Variants in STMN2 observed in about 807,000 individuals in gnomAD.
The protein encoded by STMN2 is stathmin 2, also known as stathmin-2.
In STMN2, 2 loss-of-function variants were observed where a neutral mutation model predicts 24.1. That is an observed-to-expected ratio of 0.08 (90% confidence interval 0.03 to 0.26). The LOEUF is 0.26. Ranked by LOEUF, STMN2 falls within the 10% of genes least tolerant of loss-of-function variation. The pLI is 1.00. For synonymous variants in STMN2, 83 were observed against 77.5 expected, an observed-to-expected ratio of 1.07 and a Z score of -0.37; for missense variants, 114 against 213.6, an observed-to-expected ratio of 0.53 and a Z score of 2.91.
At chr8:79,653,324 C>T (rs191162685) in intron 3 of STMN2, among the ~76,000 whole-genome samples, 92 of 152,206 alleles carry the variant, frequency 6.0e-4, no homozygotes, top group African/African-American at 2.2e-3. Context: ...TTACAGTGAG[C>T]AGAGATCACG....
intron 3 of STMN2, 37 bp downstream of exon 3, chr8:79,641,587 T>A: frequency 1.3e-6 from 2 of 1,567,476 alleles, no homozygotes; most frequent in Non-Finnish European, 1.7e-6. Context: ...TCTCTCTCCC[T>A]CCCCTGCTCC....
intron 3 of STMN2, among the ~76,000 whole-genome samples, chr8:79,644,510 G>T (rs1357937282): frequency 6.6e-6 from 1 of 152,160 alleles, no homozygotes; most frequent in African/African-American, 2.4e-5. Flanking sequence ...ATGGCCAAGA[G>T]GATGTAGTAG....
intron 1 of STMN2, chr8:79,620,872 C>T (rs1185476657): frequency 3.1e-6 from 2 of 646,700 alleles, no homozygotes; most frequent in Non-Finnish European, 3.8e-6. Flanking sequence ...AGGTCTGAAG[C>T]AGGTCCCATG....
At chr8:79,611,297 A>G in intron 1 of STMN2, 83 bp downstream of exon 1, 1 of 1,567,354 alleles carries the variant, frequency 6.4e-7, no homozygotes. Flanking sequence ...AAGCATTCAG[A>G]GATATTTTAT....
intron 4 of STMN2, among the ~76,000 whole-genome samples, chr8:79,663,277 G>C (rs762851484): frequency 7.2e-5 from 11 of 152,134 alleles, no homozygotes; most frequent in African/African-American, 1.7e-4. Flanking sequence ...CAGTGATTAA[G>C]AGAGTGAGCT....
intron 3 of STMN2, among the ~76,000 whole-genome samples, chr8:79,645,991 G>C (rs776346123): frequency 6.6e-5 from 10 of 151,996 alleles, no homozygotes; most frequent in Non-Finnish European, 1.0e-4. Context: ...AGTTATTACT[G>C]TAAACATTTT....
Position 79,665,949 on chromosome 8 carries a change from G to A in STMN2, c.*1075G>A, listed in dbSNP as rs945032558. The A allele has an allele frequency of 4.6e-5, 7 of 152,144 alleles. No individual in the cohort carries two copies. Among genetic ancestry groups the A allele is most frequent in the African/African-American group, 9.7e-5 (4 of 41,420 alleles). The allele number at this position is 152,144 out of a possible 1,614,324, so 9.4% of individuals were successfully genotyped here. ...AAAACACTCCATCTGTGAAGCTGAC[G>A]CAGTTAAGGGGGCTAGGCAGGGCAT... On this transcript the variant is annotated 3_prime_UTR_variant, in exon 5 of 5. Transcript: ENST00000220876.
intron 3 of STMN2, among the ~76,000 whole-genome samples, chr8:79,647,031 T>C (rs1372098206): frequency 1.3e-5 from 2 of 152,134 alleles, no homozygotes; most frequent in African/African-American, 2.4e-5. Context: ...AACTCCATTA[T>C]ATAAGCAGTA....
chr8:79,666,111 A>G lies in STMN2; in HGVS notation c.*1237A>G, dbSNP rs1806590167. 1 of 152,168 alleles carries G rather than the reference A, an allele frequency of 6.6e-6. No individual in the cohort carries two copies. Among genetic ancestry groups the G allele is most frequent in the African/African-American group, 2.4e-5 (1 of 41,438 alleles). The allele number at this position is 152,168 out of a possible 1,614,324, so 9.4% of individuals were successfully genotyped here. A position where few individuals can be genotyped will look rare whatever the true frequency, so the allele number is the denominator to read the frequency against. ...CATTAGTGCTATTTTCCTGTATGTC[A>G]TTGTGAGCAAGCTGTGATTAATAAA... On this transcript the variant is annotated 3_prime_UTR_variant, in exon 5 of 5. Transcript: ENST00000220876.
At position 79,664,923 on chromosome 8, in the gene STMN2, A is replaced by G. The variant is rs746742363; in HGVS notation, c.*49A>G. ...CCACCAATAGTAAATCCCCCTGCCT[A>G]TATTATAATGGATCATGCGATATCA... On this transcript the variant is annotated 3_prime_UTR_variant, in exon 5 of 5. Coordinates refer to ENST00000220876, the MANE Select transcript of STMN2 (RefSeq NM_007029.4). 6.4e-7 allele frequency: 1 copy of G among 1,567,250 alleles called. No homozygotes were observed. The highest frequency in any genetic ancestry group is 1.1e-5 in the South Asian group (1 of 87,614).
chr8:79,664,711 T>C (rs1272558532), intron 4 of STMN2, 104 bp from the exon 5 acceptor site: 16 of 1,072,374 alleles, frequency 1.5e-5, no homozygotes, highest in Non-Finnish European at 1.9e-5. Context: ...GAAAAATTCA[T>C]AAAAGTAGAC....
At chr8:79,622,939 C>G (rs1210055697) in intron 1 of STMN2, among the ~76,000 whole-genome samples, 1 of 152,164 alleles carries the variant, frequency 6.6e-6, no homozygotes, top group Admixed American at 6.6e-5. Context: ...CTCCGTATCA[C>G]CTGACTGTGC....
chr8:79,658,901 T>A lies in STMN2; in HGVS notation c.480+3839T>A, dbSNP rs1205341865. ...TGCACTTCGGAATCTACTGGACAGC[T>A]CTTTAAGGGATTCTGATTTAATGTC... On this transcript the variant is annotated intron_variant, in intron 4 of 4. Transcript: ENST00000220876. Among the ~76,000 whole-genome samples, 3 of 152,208 alleles carry A rather than the reference T, an allele frequency of 2.0e-5. No homozygotes were observed. The East Asian group carries it at 5.8e-4, about 29-fold the overall frequency.
chr8:79,642,645 A>G (rs1304857393), intron 3 of STMN2, among the ~76,000 whole-genome samples: 2 of 152,192 alleles, frequency 1.3e-5, no homozygotes, highest in African/African-American at 4.8e-5. Flanking sequence ...TGCAGGACAA[A>G]CACAGATGTG....
rs185427046 is a variant in STMN2, at chr8:79,629,913, G to C, written c.20-6889G>C. Among the ~76,000 whole-genome samples, 201 of 152,258 alleles carry C rather than the reference G, an allele frequency of 1.3e-3. 1 individual carries two copies. Among genetic ancestry groups the C allele is most frequent in the South Asian group, 2.9e-3 (14 of 4,816 alleles). On this transcript the variant is annotated intron_variant, in intron 1 of 4. Transcript: ENST00000220876. ...CTCAGATCTAAAACAGCAATATGGA[G>C]CTCTTCAAATCCATTGAAACTTCAT...
intron 2 of STMN2, among the ~76,000 whole-genome samples, chr8:79,640,165 A>C (rs1427870930): frequency 6.6e-6 from 1 of 152,124 alleles, no homozygotes; most frequent in African/African-American, 2.4e-5. Flanking sequence ...GTGCCACTGC[A>C]CTCCAGCCTG....
At chr8:79,641,946 G>A (rs1464114253) in intron 3 of STMN2, among the ~76,000 whole-genome samples, 1 of 151,960 alleles carries the variant, frequency 6.6e-6, no homozygotes, top group African/African-American at 2.4e-5. Context: ...GGTGGGGAGG[G>A]GAAGAAGTGC....
rs1809973991 is a variant in STMN2, at chr8:79,636,830, C to G, written c.48C>G (p.Ser16=). Residue 16 remains serine (S), a synonymous_variant, in exon 2 of 5, where the codon TCC becomes TCG. Coordinates refer to ENST00000220876, the MANE Select transcript of STMN2 (RefSeq NM_007029.4). ...MAYKEKMKEL[S]MLSLICSCFY... ...ACAAGGAAAAAATGAAGGAGCTGTC[C>G]ATGCTGTCACTGATCTGCTCTTGCT... 6.2e-7 allele frequency: 1 copy of G among 1,613,772 alleles called. No homozygotes were observed. The highest frequency in any genetic ancestry group is 1.3e-5 in the African/African-American group (1 of 75,024).
chr8:79,635,234 T>C (rs1428357276), intron 1 of STMN2, among the ~76,000 whole-genome samples: 2 of 152,164 alleles, frequency 1.3e-5, no homozygotes, highest in Admixed American at 6.6e-5. Flanking sequence ...CAATCTGGAC[T>C]CTTGCAACTG....
Sources: allele counts gnomAD v4.1 joint callset (sites outside exome capture counted in the v4.1 genomes callset), GRCh38; gene constraint gnomAD v4.1.1; transcripts MANE v1.5; gene names NCBI Gene and HGNC (gene_info 2026-07-23, HGNC 2026-07-21).